USH2A: variants seen among roughly 807,000 people sequenced by gnomAD.
The protein encoded by USH2A is Usher syndrome 2A (autosomal recessive, mild).
A neutral mutation model predicts 538.9 loss-of-function variants in USH2A; 443 were observed. The observed-to-expected ratio is 0.82, with a 90% CI of 0.76 to 0.89. The LOEUF is 0.89. USH2A is among the 40% of genes least tolerant of loss of function. The probability of loss-of-function intolerance (pLI) is 0.00; values close to 1 mark genes in which losing one functional copy is unlikely to be tolerated. For synonymous variants in USH2A, 2,413 were observed against 2,273.5 expected (o/e 1.06, Z -1.75); for missense variants, 6,633 against 6,324.8 (o/e 1.05, Z -1.65).
chr1:216,329,835 A>T (rs779778445), intron 4 of USH2A, among the ~76,000 whole-genome samples: 2 of 152,088 alleles, frequency 1.3e-5, no homozygotes, highest in African/African-American at 4.8e-5. Flanking sequence ...TTTGCATGGC[A>T]GCCGTGGAAA....
chr1:216,413,252 A>G (rs1362884983), intron 3 of USH2A, among the ~76,000 whole-genome samples: 1 of 151,958 alleles, frequency 6.6e-6, no homozygotes, highest in Non-Finnish European at 1.5e-5. Context: ...TAAAGAAATA[A>G]TATGGGTTGA....
intron 41 of USH2A, among the ~76,000 whole-genome samples, chr1:215,880,969 G>A (rs1664889945): frequency 6.6e-6 from 1 of 152,136 alleles, no homozygotes. Context: ...ACCTGGGTGT[G>A]GTAGCAGGTG....
At chr1:215,749,562 T>C (rs1310789719) in intron 58 of USH2A, among the ~76,000 whole-genome samples, 1 of 152,164 alleles carries the variant, frequency 6.6e-6, no homozygotes, top group Admixed American at 6.5e-5. Flanking sequence ...ACAAACCCTA[T>C]ACCATCTGCA....
intron 35 of USH2A, among the ~76,000 whole-genome samples, chr1:215,985,860 G>T (rs1340998830): frequency 6.6e-6 from 1 of 151,740 alleles, no homozygotes; most frequent in Admixed American, 6.6e-5. Context: ...TGAGCCAAAT[G>T]TTTTTTTTAA....
chr1:216,151,511 C>T (rs888898440), intron 21 of USH2A, among the ~76,000 whole-genome samples: 2 of 152,142 alleles, frequency 1.3e-5, no homozygotes, highest in Non-Finnish European at 2.9e-5. Flanking sequence ...TCCATGATTG[C>T]TCTCGGTACT....
intron 15 of USH2A, among the ~76,000 whole-genome samples, chr1:216,210,606 T>A (rs1318547726): frequency 1.3e-5 from 2 of 152,162 alleles, no homozygotes; most frequent in East Asian, 3.9e-4. Context: ...TCTGCGTTCA[T>A]CCTCCTTCAT....
intron 55 of USH2A, among the ~76,000 whole-genome samples, chr1:215,771,653 T>A (rs1468645627): frequency 6.7e-6 from 1 of 148,398 alleles, no homozygotes; most frequent in African/African-American, 2.5e-5. Flanking sequence ...TTTAAATATT[T>A]TCATTTTGAA....
At position 216,384,505 on chromosome 1, in the gene USH2A, C is replaced by T. The variant is rs564059975; in HGVS notation, c.652-19420G>A. Among the ~76,000 whole-genome samples, 11 of 152,206 alleles carry T rather than the reference C, an allele frequency of 7.2e-5. No homozygotes were observed. In the South Asian group the frequency reaches 1.7e-3, roughly 23 times the overall value. ...AGGAATAGGCACTCTGATTCTCTTT[C>T]GGTAGGAGTCTGCACTAGTCAAACA... On this transcript the variant is annotated intron_variant, in intron 3 of 71. Coordinates refer to ENST00000307340, the MANE Select transcript of USH2A (RefSeq NM_206933.4).
intron 3 of USH2A, among the ~76,000 whole-genome samples, chr1:216,412,074 A>G (rs566836334): frequency 2.0e-5 from 3 of 152,266 alleles, no homozygotes; most frequent in African/African-American, 7.2e-5. Flanking sequence ...AGGAAGTTAT[A>G]GGCTATAAAG....
intron 40 of USH2A, among the ~76,000 whole-genome samples, chr1:215,895,732 A>T (rs1425632015): frequency 6.6e-6 from 1 of 152,226 alleles, no homozygotes; most frequent in Admixed American, 6.5e-5. Flanking sequence ...CAAATATAGC[A>T]TGGCAATGGT....
intron 38 of USH2A, among the ~76,000 whole-genome samples, chr1:215,912,179 G>T (rs1665801168): frequency 6.6e-6 from 1 of 151,800 alleles, no homozygotes; most frequent in Non-Finnish European, 1.5e-5. Context: ...TGCATCCTTT[G>T]CTGTACAGAA....
chr1:215,951,950 C>T (rs1361542416), intron 37 of USH2A, among the ~76,000 whole-genome samples: 3 of 151,504 alleles, frequency 2.0e-5, no homozygotes, highest in South Asian at 2.1e-4. Context: ...CTGCAAGCTC[C>T]GCTTCCCGGG....
At chr1:215,693,816 A>G (rs571846730) in intron 61 of USH2A, among the ~76,000 whole-genome samples, 1 of 152,224 alleles carries the variant, frequency 6.6e-6, no homozygotes, top group Non-Finnish European at 1.5e-5. Context: ...TAGTATGAAC[A>G]TAGTTTTTCC....
At chr1:215,647,471 C>T in intron 67 of USH2A, 51 bp downstream of exon 67, 1 of 1,610,160 alleles carries the variant, frequency 6.2e-7, no homozygotes, top group Non-Finnish European at 8.5e-7. Flanking sequence ...CAAGCTTCTC[C>T]TGACCACATT....
chr1:216,050,612 T>TTCTTTC (rs1558231950), intron 30 of USH2A, among the ~76,000 whole-genome samples: 5 of 25,464 alleles, frequency 2.0e-4, no homozygotes, highest in African/African-American at 2.8e-4. Flanking sequence ...TTCTTTTTTT[T>TTCTTTC]TTTTTTTTTT....
At position 215,650,709 on chromosome 1, in the gene USH2A, C is replaced by T. The variant is rs78576418; in HGVS notation, c.14226G>A (p.Thr4742=). 1,486 of 1,613,960 alleles carry T rather than the reference C, an allele frequency of 9.2e-4. 17 individuals are homozygous for T. The African/African-American group carries it at 0.017, about 19-fold the overall frequency. The change falls in exon 65 of 72, where the codon ACG becomes ACA. Residue 4742 remains threonine, a synonymous_variant. Transcript: ENST00000307340. ...PAPPEGLRAP[T]FHVISSTQAV... is the part of the protein sequence containing the mutation. ...CTTGGGTAGAAGAGATCACATGGAA[C>T]GTGGGGGCTCTGAGACCTTCTGGTG...
chr1:216,073,381 C>T (rs1230061374), intron 27 of USH2A, 81 bp from the exon 28 acceptor site: 2 of 1,456,034 alleles, frequency 1.4e-6, no homozygotes, highest in East Asian at 2.4e-5. Context: ...TGCAGCACTA[C>T]ATTTTGAGGA....
chr1:216,088,901 G>A (rs2032214117), intron 23 of USH2A, 112 bp downstream of exon 23: 1 of 1,501,320 alleles, frequency 6.7e-7, no homozygotes, highest in Non-Finnish European at 9.1e-7. Flanking sequence ...CAATATATAT[G>A]GAATTGAGTA....
At chr1:215,732,544 CTTTTTTTTTT>C (rs141549439) in intron 60 of USH2A, among the ~76,000 whole-genome samples, 5 of 73,558 alleles carry the variant, frequency 6.8e-5, no homozygotes, top group Admixed American at 4.1e-4. Context: ...TTTTTTCTTT[CTTTTTTTTTT>C]TTTTTTTTTT....
Sources: allele counts gnomAD v4.1 joint callset (sites outside exome capture counted in the v4.1 genomes callset), GRCh38; gene constraint gnomAD v4.1.1; transcripts MANE v1.5; gene names NCBI Gene and HGNC (gene_info 2026-07-23, HGNC 2026-07-21).